Variants in ADGRL2 observed in about 807,000 individuals in gnomAD.
ADGRL2 encodes calcium-independent alpha-latrotoxin receptor 2.
A neutral mutation model predicts 157.4 loss-of-function variants in ADGRL2; 44 were observed. The ratio of observed to expected loss-of-function variants is 0.28; its 90% CI spans 0.22 to 0.36. The LOEUF (loss-of-function observed/expected upper bound fraction) is 0.36. ADGRL2 is among the 10% of genes least tolerant of loss of function. The pLI, the probability that ADGRL2 is intolerant of heterozygous loss-of-function variation, is 1.00. For missense variants in ADGRL2, 1,510 were observed against 1,768.9 expected (o/e 0.85, Z 2.63); for synonymous variants, 585 against 624.7 (o/e 0.94, Z 0.95).
intron 7 of ADGRL2, among the ~76,000 whole-genome samples, chr1:81,950,687 A>G (rs771371780): frequency 3.3e-5 from 5 of 152,204 alleles, no homozygotes; most frequent in Non-Finnish European, 7.3e-5. Context: ...TCTCCCTTTC[A>G]GAGACCTAGG....
chr1:81,501,781 T>TCAGCAGCAGCAGCAGCAGCAGCAGCAG (rs111927236), intron 2 of ADGRL2: 7 of 1,511,860 alleles, frequency 4.6e-6, no homozygotes, highest in Non-Finnish European at 5.3e-6. Flanking sequence ...TGGAGCCACT[T>TCAGCAGCAGCAGCAGCAGCAGCAGCAG]CAGCAGCAGC....
At chr1:81,835,455 C>A (rs1312655563) in intron 1 of ADGRL2, among the ~76,000 whole-genome samples, 1 of 152,088 alleles carries the variant, frequency 6.6e-6, no homozygotes, top group Non-Finnish European at 1.5e-5. Context: ...CACATTGCTA[C>A]AGCAGTTGTA....
upstream of ADGRL2, among the ~76,000 whole-genome samples, chr1:81,694,779 G>C (rs1010882420): frequency 6.6e-6 from 1 of 151,988 alleles, no homozygotes; most frequent in Non-Finnish European, 1.5e-5. Context: ...ACTGTGCTGT[G>C]GCTTCCAGTA....
chr1:81,883,232 G>T (rs534407086), intron 2 of ADGRL2, among the ~76,000 whole-genome samples: 4 of 152,104 alleles, frequency 2.6e-5, no homozygotes, highest in Non-Finnish European at 4.4e-5. Context: ...CATAAGCAGA[G>T]AATTTTTTAA....
At chr1:81,463,934 A>T (rs924219541) in intron 2 of ADGRL2, among the ~76,000 whole-genome samples, 1 of 152,188 alleles carries the variant, frequency 6.6e-6, no homozygotes, top group Non-Finnish European at 1.5e-5. Flanking sequence ...CGTCCTGATA[A>T]TACGGAAGGA....
intron 2 of ADGRL2, among the ~76,000 whole-genome samples, chr1:81,458,623 C>T (rs1183376780): frequency 1.3e-5 from 2 of 152,230 alleles, no homozygotes. Context: ...CCTGCCATGG[C>T]TCCATCCTCA....
intron 1 of ADGRL2, among the ~76,000 whole-genome samples, chr1:81,345,569 A>T (rs1391176583): frequency 6.6e-6 from 1 of 152,198 alleles, no homozygotes; most frequent in Non-Finnish European, 1.5e-5. Flanking sequence ...ATATTAAAAT[A>T]AAAAATACAG....
chr1:81,971,136 T>A lies in ADGRL2; in HGVS notation c.2954+602T>A, dbSNP rs151090812. Among the ~76,000 whole-genome samples the A allele has an allele frequency of 1.3e-4, 20 of 152,318 alleles. No individual in the cohort carries two copies. In the East Asian group the frequency reaches 3.5e-3, roughly 26 times the overall value. On this transcript the variant is annotated intron_variant, in intron 16 of 23. Transcript: ENST00000686636. ...CATGAATTTGCCTTCCAATTCTGTT[T>A]ATTTTTTTCCTTTGATAAAATTAGT...
chr1:81,557,083 G>T (rs1397302233), intron 2 of ADGRL2: 2 of 184,150 alleles, frequency 1.1e-5, no homozygotes, highest in Non-Finnish European at 2.4e-5. Context: ...TCACGAAGCA[G>T]CCCACTCTCA....
intron 2 of ADGRL2, among the ~76,000 whole-genome samples, chr1:81,859,927 T>C (rs139513838): frequency 5.3e-5 from 8 of 152,078 alleles, no homozygotes; most frequent in East Asian, 1.9e-4. Context: ...TGTTTTTTTT[T>C]TCCCCCATAA....
chr1:81,593,155 A>G (rs903606074), intron 3 of ADGRL2, among the ~76,000 whole-genome samples: 5 of 152,246 alleles, frequency 3.3e-5, no homozygotes, highest in African/African-American at 9.6e-5. Flanking sequence ...TGTCAAAACC[A>G]GAACTAACAT....
intron 1 of ADGRL2, among the ~76,000 whole-genome samples, chr1:81,441,836 C>G (rs1036521438): frequency 1.3e-5 from 2 of 152,036 alleles, no homozygotes; most frequent in African/African-American, 4.8e-5. Context: ...CCACTCCCAA[C>G]CTAGAATATT....
rs112043357 is a variant in ADGRL2 at position 81,864,828 on chromosome 1, A to C, written c.73+27771A>C. On this transcript the variant is annotated intron_variant, in intron 2 of 23. Transcript: ENST00000686636. ...AAACAAACAAAACAAAACAAACAAA[A>C]AACAAAAATTAGCTGGGTGTTGTGG... Among the ~76,000 whole-genome samples the C allele has an allele frequency of 7.2e-5, 11 of 152,188 alleles. 1 individual carries two copies. Among genetic ancestry groups the C allele is most frequent in the Middle Eastern group, 3.4e-3 (1 of 294 alleles).
chr1:81,489,583 T>C (rs1014670629), intron 2 of ADGRL2, among the ~76,000 whole-genome samples: 1 of 149,744 alleles, frequency 6.7e-6, no homozygotes. Flanking sequence ...ATCACAAATA[T>C]GATGAAAGAC....
chr1:81,835,357 A>G (rs1178073086), intron 1 of ADGRL2, among the ~76,000 whole-genome samples: 1 of 152,182 alleles, frequency 6.6e-6, no homozygotes, highest in South Asian at 2.1e-4. Flanking sequence ...GAAATTGTTC[A>G]TTGATGGCCT....
chr1:81,456,286 C>T (rs1011349751), intron 2 of ADGRL2, among the ~76,000 whole-genome samples: 8 of 152,104 alleles, frequency 5.3e-5, no homozygotes, highest in African/African-American at 1.9e-4. Flanking sequence ...GTGACATTAT[C>T]ATAGCTCATT....
intron 1 of ADGRL2, among the ~76,000 whole-genome samples, chr1:81,755,223 T>C (rs2085646944): frequency 6.8e-6 from 1 of 148,034 alleles, no homozygotes; most frequent in South Asian, 2.1e-4. Context: ...TGAAGATATA[T>C]ACATATATCT....
chr1:81,586,691 T>C lies in ADGRL2; in HGVS notation c.-143+5711T>C, dbSNP rs79444419. ...GTAAGTCTAGATGAGGCAGAAAAAC[T>C]GACCAATTAAATTGGCATTCAGAGT... On this transcript the variant is annotated intron_variant, in intron 3 of 24. Coordinates refer to the ADGRL2 transcript ENST00000370721. Among the ~76,000 whole-genome samples the C allele has an allele frequency of 4.7e-3, 715 of 152,204 alleles. 9 individuals carry two copies. Among genetic ancestry groups the C allele is most frequent in the African/African-American group, 0.016 (673 of 41,542 alleles).
At chr1:81,688,797 G>A (rs968891912) in intron 3 of ADGRL2, among the ~76,000 whole-genome samples, 5 of 152,048 alleles carry the variant, frequency 3.3e-5, no homozygotes, top group Non-Finnish European at 5.9e-5. Context: ...TATTTGGGGC[G>A]GCTCTATCAG....
Sources: gnomAD v4.1 joint callset for allele counts (sites outside exome capture counted in the v4.1 genomes callset) on GRCh38, gnomAD v4.1.1 for gene constraint, MANE v1.5 for transcripts, NCBI Gene and HGNC (gene_info 2026-07-23, HGNC 2026-07-21) for gene names.